SLC8A1: variants seen among roughly 807,000 people sequenced by gnomAD.
SLC8A1 encodes the protein sodium/calcium exchanger 1.
Under a neutral mutation model 68.3 loss-of-function variants are expected in SLC8A1, and 18 were observed. The observed-to-expected ratio is 0.26, with a 90% CI of 0.18 to 0.39. SLC8A1 has a LOEUF of 0.39. Among genes scored for constraint, SLC8A1 ranks in the 10% least tolerant of loss-of-function variants. The pLI is 1.00. For synonymous variants in SLC8A1, 475 were observed against 415.5 expected (o/e 1.14, Z -1.74); for missense variants, 985 against 1,156.7 (o/e 0.85, Z 2.15).
intron 2 of SLC8A1, among the ~76,000 whole-genome samples, chr2:40,393,448 G>C (rs1002178640): frequency 1.3e-5 from 2 of 152,054 alleles, no homozygotes; most frequent in African/African-American, 2.4e-5. Flanking sequence ...GAATTGCTAT[G>C]TTCCAAATGA....
At chr2:40,355,951 G>T (rs1405513790) in intron 2 of SLC8A1, among the ~76,000 whole-genome samples, 1 of 152,086 alleles carries the variant, frequency 6.6e-6, no homozygotes, top group African/African-American at 2.4e-5. Flanking sequence ...GCCCCTTCAG[G>T]CACAAACATG....
chr2:40,101,944 A>G (rs2033916789), exon 8 of SLC8A1: 3 of 152,130 alleles, frequency 2.0e-5, no homozygotes, highest in African/African-American at 7.2e-5. Context: ...TTTGGGGAAC[A>G]AACTTGAGAC....
At chr2:40,452,667 T>A (rs76382918), upstream of SLC8A1, among the ~76,000 whole-genome samples, 7 of 140,812 alleles carry the variant, frequency 5.0e-5, no homozygotes, top group Non-Finnish European at 9.0e-5. Context: ...ATATCAATGA[T>A]TTTTTTTTTA....
rs535403026 is a variant in SLC8A1 at position 40,416,587 on chromosome 2, A to T, written c.1808+11886T>A. On this transcript the variant is annotated intron_variant, in intron 2 of 7. Coordinates refer to ENST00000406785, the Ensembl canonical transcript of SLC8A1. ...TTTTGAGATGGAAGAAAACCCATAG[A>T]TTATTTACTTCAATGCCTTAATGTT... Among the ~76,000 whole-genome samples, 8 of 152,206 alleles carry T rather than the reference A, an allele frequency of 5.3e-5. No homozygotes were observed. The South Asian group carries it at 1.5e-3, about 28-fold the overall frequency.
chr2:40,283,713 C>T (rs1028543094), intron 2 of SLC8A1, among the ~76,000 whole-genome samples: 2 of 152,226 alleles, frequency 1.3e-5, no homozygotes, highest in African/African-American at 4.8e-5. Flanking sequence ...GCTGTCCTTT[C>T]TGCCAAAAGC....
At chr2:40,428,293 C>G (rs1048628967) in intron 2 of SLC8A1, among the ~76,000 whole-genome samples, 180 bp downstream of exon 2, 1 of 151,966 alleles carries the variant, frequency 6.6e-6, no homozygotes, top group African/African-American at 2.4e-5. Context: ...GTGTGCAGAG[C>G]ATATTGATAA....
chr2:40,475,355 G>C (rs1027926313), intron 1 of SLC8A1, among the ~76,000 whole-genome samples: 1 of 151,760 alleles, frequency 6.6e-6, no homozygotes, highest in Non-Finnish European at 1.5e-5. Flanking sequence ...GGATGGTCTC[G>C]ATCTCCTGAC....
chr2:40,215,118 TTA>T (rs1280845890), intron 2 of SLC8A1, among the ~76,000 whole-genome samples: 3 of 152,152 alleles, frequency 2.0e-5, no homozygotes, highest in Admixed American at 1.3e-4. Flanking sequence ...GCTAAAGTAT[TTA>T]TGAGTTGTAG....
chr2:40,224,278 T>A lies in SLC8A1; in HGVS notation c.1809-46423A>T, dbSNP rs576505118. 6.6e-4 allele frequency among the ~76,000 whole-genome samples: 101 copies of A among 152,196 alleles called. 1 individual carries two copies. The highest frequency in any genetic ancestry group is 6.8e-3 in the Middle Eastern group (2 of 294). On this transcript the variant is annotated intron_variant, in intron 2 of 7. Coordinates refer to ENST00000406785, the Ensembl canonical transcript of SLC8A1. Reference sequence around the variant, plus strand: ...GAGGTCTGAAAAGACAGAGGCCCGATTAAAAGGCTTCAGGAGGCAGAGTCA... The same window carrying A: ...GAGGTCTGAAAAGACAGAGGCCCGAATAAAAGGCTTCAGGAGGCAGAGTCA...
In SLC8A1 at chr2:40,232,905, A is replaced by T. The variant is rs1387244928; in HGVS notation, c.1809-55050T>A. The stretch of plus-strand genomic sequence containing the variant: ...AGAATGATGGTTTCCAATTTCATCC[A>T]TGTCCCTACAAAGGACATGAACTCA... On this transcript the variant is annotated intron_variant, in intron 2 of 7. Coordinates refer to ENST00000406785, the Ensembl canonical transcript of SLC8A1. 3.3e-5 allele frequency among the ~76,000 whole-genome samples: 5 copies of T among 150,046 alleles called. No individual in the cohort carries two copies. In the Admixed American group the frequency reaches 3.3e-4, roughly 10 times the overall value.
chr2:40,509,435 GA>G (rs1706567642), intron 1 of SLC8A1, among the ~76,000 whole-genome samples: 1 of 133,186 alleles, frequency 7.5e-6, no homozygotes, highest in Non-Finnish European at 1.6e-5. Flanking sequence ...AGGGGATTTG[GA>G]ATTTTTTTTT....
Position 40,236,710 on chromosome 2 carries a change from A to T in SLC8A1, c.1809-58855T>A, listed in dbSNP as rs1454945147. ...CTTCCTAGTCTCAATGGTCTTTACA[A>T]TTTGGCATGATTTTGCAGCCGCTGG... On this transcript the variant is annotated intron_variant, in intron 2 of 7. Coordinates refer to ENST00000406785, the Ensembl canonical transcript of SLC8A1. Among the ~76,000 whole-genome samples, 7 of 152,228 alleles carry T rather than the reference A, an allele frequency of 4.6e-5. No individual in the cohort carries two copies. The East Asian group carries it at 1.4e-3, about 29-fold the overall frequency.
chr2:40,425,395 T>C (rs1306877718), intron 2 of SLC8A1, among the ~76,000 whole-genome samples: 1 of 151,860 alleles, frequency 6.6e-6, no homozygotes, highest in East Asian at 1.9e-4. Flanking sequence ...CAACAATCAT[T>C]AAAGCTGTAG....
chr2:40,231,617 C>A (rs1194733636), intron 2 of SLC8A1, among the ~76,000 whole-genome samples: 1 of 152,200 alleles, frequency 6.6e-6, no homozygotes, highest in East Asian at 1.9e-4. Context: ...ACAATTAATT[C>A]TTCTGCAGAT....
chr2:40,366,935 T>C (rs1248461548), intron 2 of SLC8A1, among the ~76,000 whole-genome samples: 2 of 152,062 alleles, frequency 1.3e-5, no homozygotes. Flanking sequence ...CAGGATTTCA[T>C]CTTTAGTTTT....
chr2:40,445,084 G>T (rs1018402833), intron 1 of SLC8A1, among the ~76,000 whole-genome samples: 1 of 152,144 alleles, frequency 6.6e-6, no homozygotes, highest in Non-Finnish European at 1.5e-5. Flanking sequence ...GTCAGAAACT[G>T]TTCCAAATAT....
intron 2 of SLC8A1, among the ~76,000 whole-genome samples, chr2:40,308,595 A>G (rs1673100784): frequency 6.6e-6 from 1 of 152,150 alleles, no homozygotes; most frequent in African/African-American, 2.4e-5. Context: ...ATCACCACCA[A>G]TATCATAGTG....
At chr2:40,358,614 A>C (rs535584794) in intron 2 of SLC8A1, among the ~76,000 whole-genome samples, 1 of 152,256 alleles carries the variant, frequency 6.6e-6, no homozygotes, top group Non-Finnish European at 1.5e-5. Flanking sequence ...ATGCATAACC[A>C]TTTGGTTCTT....
chr2:40,232,683 C>T (rs2059821016), intron 2 of SLC8A1, among the ~76,000 whole-genome samples: 1 of 136,090 alleles, frequency 7.3e-6, no homozygotes, highest in South Asian at 2.4e-4. Flanking sequence ...ATGTGCCATG[C>T]TGGTGTGCTG....
Sources: gnomAD v4.1 joint callset for allele counts (sites outside exome capture counted in the v4.1 genomes callset) on GRCh38, gnomAD v4.1.1 for gene constraint, MANE v1.5 for transcripts, NCBI Gene and HGNC (gene_info 2026-07-23, HGNC 2026-07-21) for gene names.